The following ZCCHC7 variants were observed in gnomAD, a reference collection of about 807,000 sequenced individuals.
ZCCHC7 encodes the protein zinc finger CCHC domain-containing protein 7.
In ZCCHC7, 35 loss-of-function variants were observed where a neutral mutation model predicts 52.0. That is an observed-to-expected ratio of 0.67 (90% confidence interval 0.51 to 0.89). ZCCHC7 has a LOEUF of 0.89. ZCCHC7 is among the 40% of genes least tolerant of loss of function. The pLI is 0.00. For synonymous variants in ZCCHC7, 217 were observed against 221.5 expected (o/e 0.98, Z 0.18); for missense variants, 574 against 649.1 (o/e 0.88, Z 1.26).
chr9:37,140,856 C>T (rs985328934), intron 2 of ZCCHC7, among the ~76,000 whole-genome samples: 6 of 151,812 alleles, frequency 4.0e-5, no homozygotes, highest in East Asian at 1.9e-4. Flanking sequence ...TTTTAAATTC[C>T]GTTAAGATTA....
chr9:37,154,444 G>A (rs1176255935), intron 2 of ZCCHC7, among the ~76,000 whole-genome samples: 2 of 152,112 alleles, frequency 1.3e-5, no homozygotes, highest in Non-Finnish European at 2.9e-5. Context: ...AGAATTCTGT[G>A]TCATTAATTG....
At chr9:37,140,818 G>C (rs916241942) in intron 2 of ZCCHC7, among the ~76,000 whole-genome samples, 70 of 151,968 alleles carry the variant, frequency 4.6e-4, no homozygotes, top group Non-Finnish European at 7.2e-4. Context: ...GTTAACATCA[G>C]CAGTGAAGGG....
At chr9:37,236,071 A>G (rs765422440) in intron 2 of ZCCHC7, among the ~76,000 whole-genome samples, 2 of 152,130 alleles carry the variant, frequency 1.3e-5, no homozygotes, top group Admixed American at 6.5e-5. Context: ...AAATAACTCA[A>G]TGGGATTGCT....
chr9:37,220,266 C>T (rs1246084253), intron 2 of ZCCHC7, among the ~76,000 whole-genome samples: 2 of 152,050 alleles, frequency 1.3e-5, no homozygotes, highest in Non-Finnish European at 2.9e-5. Context: ...ATCGGCCAGG[C>T]GTGGTGGCTC....
chr9:37,292,839 C>T (rs1828601787), intron 2 of ZCCHC7, among the ~76,000 whole-genome samples: 1 of 150,096 alleles, frequency 6.7e-6, no homozygotes, highest in Admixed American at 6.7e-5. Flanking sequence ...GAGAGAATCT[C>T]GCTGGTATGT....
intron 2 of ZCCHC7, 62 bp from the exon 3 acceptor site, chr9:37,302,126 A>G (rs1184488365): frequency 1.5e-6 from 2 of 1,338,802 alleles, no homozygotes; most frequent in African/African-American, 1.4e-5. Context: ...TGTGTAATCT[A>G]TTGTCAATCT....
intron 2 of ZCCHC7, among the ~76,000 whole-genome samples, chr9:37,204,860 C>T (rs1222230276): frequency 6.6e-6 from 1 of 152,100 alleles, no homozygotes; most frequent in Non-Finnish European, 1.5e-5. Context: ...CTGAACTAAG[C>T]ATGGGCTTTT....
At chr9:37,278,398 A>G (rs1374261100) in intron 2 of ZCCHC7, among the ~76,000 whole-genome samples, 1 of 152,244 alleles carries the variant, frequency 6.6e-6, no homozygotes, top group Non-Finnish European at 1.5e-5. Context: ...TGTGACCTTA[A>G]TAACAGATTG....
At chr9:37,326,940 ACAACACACTTT>A (rs1417976669) in intron 5 of ZCCHC7, 1 of 152,088 alleles carries the variant, frequency 6.6e-6, no homozygotes, top group Non-Finnish European at 1.5e-5. Context: ...ATAGTTACAA[ACAACACACTTT>A]TTGCTCCTGA....
At chr9:37,338,028 T>C (rs1355431299) in intron 6 of ZCCHC7, among the ~76,000 whole-genome samples, 1 of 152,178 alleles carries the variant, frequency 6.6e-6, no homozygotes, top group African/African-American at 2.4e-5. Context: ...AATGAATAAA[T>C]GCTACTACCT....
At position 37,272,117 on chromosome 9, in the gene ZCCHC7, G is replaced by T. The variant is rs144736950; in HGVS notation, c.611-30071G>T. Among the ~76,000 whole-genome samples the T allele has an allele frequency of 2.6e-5, 4 of 152,268 alleles. No homozygotes were observed. The Middle Eastern group carries it at 0.01, about 388-fold the overall frequency. ...CACACAGACATTATACAGAGGGGAA[G>T]TGTCATTAATGATTTTATCTACTAT... On this transcript the variant is annotated intron_variant, in intron 2 of 8. Transcript: ENST00000336755.
intron 1 of ZCCHC7, 142 bp from the exon 2 acceptor site, chr9:37,126,170 T>TG (rs1295040319): frequency 3.5e-6 from 3 of 857,254 alleles, no homozygotes; most frequent in Non-Finnish European, 5.3e-6. Flanking sequence ...TAGAAATCCT[T>TG]GGAAAAAAAG....
intron 2 of ZCCHC7, among the ~76,000 whole-genome samples, chr9:37,164,394 G>A (rs534122867): frequency 5.3e-5 from 8 of 151,352 alleles, no homozygotes; most frequent in African/African-American, 1.9e-4. Context: ...GCAGTGAGCC[G>A]AGATCACACC....
chr9:37,224,216 T>A (rs1824977295), intron 2 of ZCCHC7, among the ~76,000 whole-genome samples: 1 of 152,124 alleles, frequency 6.6e-6, no homozygotes, highest in Non-Finnish European at 1.5e-5. Flanking sequence ...ACAAAATCAT[T>A]TTTAATACAG....
chr9:37,339,101 T>G (rs1388796968), intron 6 of ZCCHC7, among the ~76,000 whole-genome samples: 1 of 152,200 alleles, frequency 6.6e-6, no homozygotes, highest in African/African-American at 2.4e-5. Context: ...TAATGCCATT[T>G]TTAACATATG....
At chr9:37,325,597 G>A (rs1290468504) in intron 5 of ZCCHC7, among the ~76,000 whole-genome samples, 1 of 151,928 alleles carries the variant, frequency 6.6e-6, no homozygotes, top group African/African-American at 2.4e-5. Context: ...GCCATAATAA[G>A]CAAAAAGAAA....
At chr9:37,153,732 G>A (rs1039088684) in intron 2 of ZCCHC7, among the ~76,000 whole-genome samples, 4 of 151,460 alleles carry the variant, frequency 2.6e-5, no homozygotes, top group Admixed American at 6.6e-5. Flanking sequence ...AGATGCTACC[G>A]CTCATCTTGT....
At chr9:37,355,708 AAGT>A (rs1266128140) in intron 8 of ZCCHC7, among the ~76,000 whole-genome samples, 8 of 152,340 alleles carry the variant, frequency 5.3e-5, no homozygotes, top group Admixed American at 5.2e-4. Flanking sequence ...TTATAGGAAA[AAGT>A]AGCCGTTCGT....
intron 2 of ZCCHC7, among the ~76,000 whole-genome samples, chr9:37,156,117 T>A (rs1372094195): frequency 6.6e-6 from 1 of 152,224 alleles, no homozygotes; most frequent in African/African-American, 2.4e-5. Context: ...AACATTGGGA[T>A]CAGATAGGTT....
Sources: allele counts gnomAD v4.1 joint callset (sites outside exome capture counted in the v4.1 genomes callset), GRCh38; gene constraint gnomAD v4.1.1; transcripts MANE v1.5; gene names NCBI Gene and HGNC (gene_info 2026-07-23, HGNC 2026-07-21).